Variants in CSMD1 observed in about 807,000 individuals in gnomAD.
CSMD1 encodes CUB and sushi domain-containing protein 1.
A neutral mutation model predicts 417.5 loss-of-function variants in CSMD1; 213 were observed. The observed-to-expected ratio is 0.51, with a 90% CI of 0.46 to 0.57. The LOEUF (loss-of-function observed/expected upper bound fraction) is 0.57, where lower values mean the gene tolerates loss of function less well. CSMD1 is among the 20% of genes least tolerant of loss of function. The pLI is 0.00. For missense variants in CSMD1, 6,923 were observed against 4,529.7 expected (o/e 1.53, Z -15.17); for synonymous variants, 2,862 against 1,736.8 (o/e 1.65, Z -16.11).
At chr8:3,475,073 G>A (rs974919108) in intron 11 of CSMD1, among the ~76,000 whole-genome samples, 1 of 152,004 alleles carries the variant, frequency 6.6e-6, no homozygotes, top group African/African-American at 2.4e-5. Flanking sequence ...TCCGTTCCCA[G>A]GGCTTTGCAA....
At chr8:4,404,799 A>G (rs990106777) in intron 3 of CSMD1, among the ~76,000 whole-genome samples, 5 of 152,164 alleles carry the variant, frequency 3.3e-5, no homozygotes, top group African/African-American at 9.7e-5. Flanking sequence ...TGAACTAAAT[A>G]TGTTCTATGG....
intron 41 of CSMD1, among the ~76,000 whole-genome samples, chr8:3,132,670 G>T (rs969028163): frequency 2.0e-5 from 3 of 152,152 alleles, no homozygotes; most frequent in African/African-American, 7.2e-5. Context: ...GTTCTGAATA[G>T]CTGCATCAAG....
At chr8:3,397,901 C>T (rs1186636188) in intron 16 of CSMD1, among the ~76,000 whole-genome samples, 2 of 152,308 alleles carry the variant, frequency 1.3e-5, no homozygotes, top group African/African-American at 4.8e-5. Flanking sequence ...TTTAAGGTGT[C>T]AGCCCATCGG....
At chr8:4,982,189 C>A (rs952882707) in intron 1 of CSMD1, among the ~76,000 whole-genome samples, 1 of 152,160 alleles carries the variant, frequency 6.6e-6, no homozygotes, top group Non-Finnish European at 1.5e-5. Flanking sequence ...TGCACAGACC[C>A]CTGACCCACG....
At chr8:4,550,615 T>C (rs1269952561) in intron 2 of CSMD1, among the ~76,000 whole-genome samples, 2 of 152,204 alleles carry the variant, frequency 1.3e-5, no homozygotes, top group Non-Finnish European at 2.9e-5. Context: ...AAATAGGTAA[T>C]GAAATCATAG....
Position 3,406,010 on chromosome 8 carries a change from G to T in CSMD1, c.2266+17C>A, listed in dbSNP as rs1026002312. ...GTGATTTCAAAGGAGAAGAGCGGGG[G>T]GTGGCAGGGACTGCACCTTCACAGC... is the stretch of plus-strand genomic sequence containing the variant. On this transcript the variant is annotated intron_variant, in intron 15 of 69. Coordinates refer to ENST00000635120, the MANE Select transcript of CSMD1 (RefSeq NM_033225.6). 3 of 1,609,704 alleles carry T rather than the reference G, an allele frequency of 1.9e-6. No homozygotes were observed. The highest frequency in any genetic ancestry group is 2.7e-5 in the African/African-American group (2 of 74,776).
chr8:4,419,831 A>T lies in CSMD1; in HGVS notation c.415+122T>A. 1.6e-5 allele frequency: 10 copies of T among 643,782 alleles called. No individual in the cohort carries two copies. The South Asian group carries it at 1.6e-4, about 11-fold the overall frequency. The allele number at this position is 643,782 out of a possible 1,614,324, so 39.9% of individuals were successfully genotyped here. A position where few individuals can be genotyped will look rare whatever the true frequency, so the allele number is the denominator to read the frequency against. On this transcript the variant is annotated intron_variant, in intron 3 of 69. Transcript: ENST00000635120. ...ATGCCATTGCATTACACAGAAGCCA[A>T]ATGTCTACACCACGGAACGACCTGC...
intron 7 of CSMD1, among the ~76,000 whole-genome samples, chr8:3,656,028 A>T (rs994557819): frequency 3.3e-5 from 5 of 152,170 alleles, no homozygotes; most frequent in African/African-American, 1.2e-4. Flanking sequence ...AAAGATGGAC[A>T]TCTCTCTGGG....
intron 1 of CSMD1, among the ~76,000 whole-genome samples, chr8:4,862,339 G>A (rs982361258): frequency 6.6e-6 from 1 of 152,058 alleles, no homozygotes; most frequent in African/African-American, 2.4e-5. Context: ...AATTATTAGA[G>A]GGCTTTGCAC....
At chr8:3,485,540 G>C (rs6991384) in intron 11 of CSMD1, among the ~76,000 whole-genome samples, 10,267 of 65,804 alleles carry the variant, frequency 0.16, 484 homozygotes, top group African/African-American at 0.27. Context: ...CACACACACA[G>C]AGAGAGAGAG....
At chr8:3,002,730 G>A (rs898303376) in intron 52 of CSMD1, among the ~76,000 whole-genome samples, 2 of 152,132 alleles carry the variant, frequency 1.3e-5, no homozygotes, top group Non-Finnish European at 1.5e-5. Flanking sequence ...TGGGAACCTG[G>A]CAAACAAGGA....
At chr8:3,985,923 G>C (rs2627434) in intron 5 of CSMD1, among the ~76,000 whole-genome samples, 7,429 of 125,212 alleles carry the variant, frequency 0.059, 207 homozygotes, top group East Asian at 0.083. Context: ...AAACCATTTT[G>C]CATAACTCAA....
chr8:4,078,332 T>G (rs1361617988), intron 3 of CSMD1, among the ~76,000 whole-genome samples: 1 of 149,910 alleles, frequency 6.7e-6, no homozygotes, highest in Non-Finnish European at 1.5e-5. Context: ...TTTTTTTTTT[T>G]GAGAGGGAGT....
At chr8:3,787,103 G>C (rs540757719) in intron 5 of CSMD1, among the ~76,000 whole-genome samples, 36 of 152,116 alleles carry the variant, frequency 2.4e-4, no homozygotes, top group African/African-American at 8.7e-4. Context: ...AAGCTTTATG[G>C]TAACAACATA....
At chr8:3,725,601 G>A (rs902818022) in intron 6 of CSMD1, among the ~76,000 whole-genome samples, 5 of 152,068 alleles carry the variant, frequency 3.3e-5, no homozygotes, top group African/African-American at 9.7e-5. Flanking sequence ...TGATGGCTTA[G>A]GAGAGAGAAG....
intron 1 of CSMD1, among the ~76,000 whole-genome samples, chr8:4,854,492 T>C (rs1801674612): frequency 6.6e-6 from 1 of 152,138 alleles, no homozygotes; most frequent in African/African-American, 2.4e-5. Flanking sequence ...TGTATTTCCA[T>C]CTGAGGTACC....
At chr8:4,098,586 C>G (rs371258577) in intron 3 of CSMD1, among the ~76,000 whole-genome samples, 31 of 152,130 alleles carry the variant, frequency 2.0e-4, no homozygotes, top group African/African-American at 6.7e-4. Context: ...ATTGGGAACT[C>G]AACACCCTCT....
At chr8:3,233,256 G>A (rs917349428) in intron 26 of CSMD1, among the ~76,000 whole-genome samples, 4 of 152,090 alleles carry the variant, frequency 2.6e-5, no homozygotes, top group East Asian at 1.9e-4. Flanking sequence ...TAAATTAGTG[G>A]ATTAACGGAT....
rs115515196 is a variant in CSMD1 at position 4,260,439 on chromosome 8, T to C, written c.415+159514A>G. On this transcript the variant is annotated intron_variant, in intron 3 of 69. Coordinates refer to ENST00000635120, the MANE Select transcript of CSMD1 (RefSeq NM_033225.6). ...TTTATTAATATACTAGTATGTACTT[T>C]ACTGAGTGTGGGTTGGGGATGTTAG... is the stretch of plus-strand genomic sequence containing the variant. Among the ~76,000 whole-genome samples, 961 of 152,298 alleles carry C rather than the reference T, an allele frequency of 6.3e-3. 9 individuals carry two copies. Among genetic ancestry groups the C allele is most frequent in the African/African-American group, 0.022 (917 of 41,566 alleles).
Sources: allele counts gnomAD v4.1 joint callset (sites outside exome capture counted in the v4.1 genomes callset), GRCh38; gene constraint gnomAD v4.1.1; transcripts MANE v1.5; gene names NCBI Gene and HGNC (gene_info 2026-07-23, HGNC 2026-07-21).